The following HUNK variants were observed in gnomAD, a reference collection of about 807,000 sequenced individuals.
The protein encoded by HUNK is hormonally up-regulated Neu-associated kinase.
HUNK carries 21 observed loss-of-function variants against 61.0 expected under a neutral mutation model. The ratio of observed to expected loss-of-function variants is 0.34; its 90% CI spans 0.24 to 0.50. The LOEUF (loss-of-function observed/expected upper bound fraction) is 0.50. Among genes scored for constraint, HUNK ranks in the 20% least tolerant of loss-of-function variants. The probability of loss-of-function intolerance (pLI) is 0.98; values close to 1 mark genes in which losing one functional copy is unlikely to be tolerated. For missense variants in HUNK, 772 were observed against 945.7 expected (o/e 0.82, Z 2.41); for synonymous variants, 371 against 386.1 (o/e 0.96, Z 0.46).
intron 4 of HUNK, among the ~76,000 whole-genome samples, chr21:31,949,812 G>A (rs1344146931): frequency 1.3e-5 from 2 of 152,188 alleles, no homozygotes; most frequent in Non-Finnish European, 2.9e-5. Context: ...TGGGAGGTGC[G>A]GGGGACCAGT....
rs373918879 is a variant in HUNK at position 31,968,350 on chromosome 21, G to C, written c.975G>C (p.Thr325=). ...LANRWLNENY[T]GKVPCNVTYP... is the part of the protein sequence containing the mutation. ...ATCGCTGGCTTAATGAGAATTACAC[G>C]GGCAAAGTGCCCTGTAATGTCACCT... The change falls in exon 6 of 11, where the codon ACG becomes ACC. Residue 325 remains threonine, a synonymous_variant. Transcript: ENST00000270112. 1 of 1,614,192 alleles carries C rather than the reference G, an allele frequency of 6.2e-7. No individual in the cohort carries two copies. Among genetic ancestry groups the C allele is most frequent in the South Asian group, 1.1e-5 (1 of 91,080 alleles).
chr21:31,961,275 C>T lies in HUNK; in HGVS notation c.874+2305C>T, dbSNP rs890992542. Reference sequence around the variant, plus strand: ...GTAGTATCTCCTGGTGTGGATATACCGCAGTTTGTTTCACCATTTACCCAC... The same window carrying T: ...GTAGTATCTCCTGGTGTGGATATACTGCAGTTTGTTTCACCATTTACCCAC... On this transcript the variant is annotated intron_variant, in intron 5 of 10. Transcript: ENST00000270112. 6.6e-5 allele frequency among the ~76,000 whole-genome samples: 10 copies of T among 151,830 alleles called. 1 individual carries two copies. Among genetic ancestry groups the T allele is most frequent in the South Asian group, 4.2e-4 (2 of 4,812 alleles).
At chr21:31,983,457 T>C in intron 7 of HUNK, 69 bp from the exon 8 acceptor site, 1 of 1,266,880 alleles carries the variant, frequency 7.9e-7, no homozygotes, top group Non-Finnish European at 1.1e-6. Flanking sequence ...GTTTAAAAAT[T>C]AATGACTGCT....
At chr21:31,925,755 T>C (rs1405284776) in intron 2 of HUNK, among the ~76,000 whole-genome samples, 1 of 152,230 alleles carries the variant, frequency 6.6e-6, no homozygotes, top group Non-Finnish European at 1.5e-5. Context: ...CCATTGGTAG[T>C]GGGTGCCTGC....
intron 6 of HUNK, among the ~76,000 whole-genome samples, chr21:31,972,962 A>C (rs750872423): frequency 4.6e-5 from 7 of 151,986 alleles, no homozygotes; most frequent in Non-Finnish European, 8.8e-5. Context: ...TTCTCTTCTT[A>C]CAGAAGAACT....
chr21:31,982,517 C>G (rs1475670248), intron 7 of HUNK, among the ~76,000 whole-genome samples: 1 of 152,152 alleles, frequency 6.6e-6, no homozygotes, highest in Non-Finnish European at 1.5e-5. Flanking sequence ...CATCTCTTCC[C>G]TTCTCTTTTG....
At chr21:31,901,608 A>G (rs144657621) in intron 1 of HUNK, among the ~76,000 whole-genome samples, 2 of 152,234 alleles carry the variant, frequency 1.3e-5, no homozygotes, top group Non-Finnish European at 2.9e-5. Flanking sequence ...TATTTAGCTA[A>G]TGTTTAAACT....
intron 9 of HUNK, among the ~76,000 whole-genome samples, chr21:31,991,925 T>C (rs1431902600): frequency 6.6e-6 from 1 of 152,226 alleles, no homozygotes; most frequent in East Asian, 1.9e-4. Context: ...ATAAAGCAAG[T>C]GTGATGTGTG....
intron 5 of HUNK, among the ~76,000 whole-genome samples, chr21:31,967,673 G>A (rs1474781501): frequency 2.0e-5 from 3 of 152,166 alleles, no homozygotes; most frequent in Admixed American, 2.0e-4. Flanking sequence ...TAAAGGAAAG[G>A]ATCAGAAAGC....
intron 6 of HUNK, among the ~76,000 whole-genome samples, chr21:31,971,337 G>C (rs1376057406): frequency 5.9e-5 from 9 of 152,140 alleles, no homozygotes; most frequent in Non-Finnish European, 1.5e-5. Flanking sequence ...CTCCCAAAGT[G>C]CTGGGATTAT....
At chr21:31,941,793 G>T (rs767980567) in intron 3 of HUNK, among the ~76,000 whole-genome samples, 8 of 152,172 alleles carry the variant, frequency 5.3e-5, no homozygotes, top group Non-Finnish European at 1.0e-4. Context: ...GAGGAAAGGA[G>T]TTTTTTGTTT....
intron 2 of HUNK, among the ~76,000 whole-genome samples, chr21:31,930,027 T>A (rs2409424): frequency 0.13 from 20,472 of 152,154 alleles, 1,517 homozygotes; most frequent in Middle Eastern, 0.27. Context: ...ACAGCAAAAG[T>A]TTTGTGTTTA....
intron 1 of HUNK, among the ~76,000 whole-genome samples, chr21:31,888,498 A>G (rs866806146): frequency 3.9e-5 from 6 of 152,168 alleles, no homozygotes; most frequent in African/African-American, 1.4e-4. Flanking sequence ...GCACTTTGGG[A>G]GGCCGAGGCG....
At chr21:31,950,019 T>C (rs1266476470) in intron 4 of HUNK, among the ~76,000 whole-genome samples, 1 of 152,200 alleles carries the variant, frequency 6.6e-6, no homozygotes, top group Non-Finnish European at 1.5e-5. Flanking sequence ...ACAGCCAGCG[T>C]GTGACAGAGC....
chr21:31,901,935 C>T (rs1180401792), intron 1 of HUNK, among the ~76,000 whole-genome samples: 2 of 152,122 alleles, frequency 1.3e-5, no homozygotes, highest in African/African-American at 4.8e-5. Context: ...TGGCAAGGGG[C>T]TACTTAGCTG....
intron 1 of HUNK, among the ~76,000 whole-genome samples, chr21:31,920,175 T>C (rs1030785893): frequency 1.3e-5 from 2 of 152,170 alleles, no homozygotes; most frequent in African/African-American, 4.8e-5. Flanking sequence ...CTCTGCTTAT[T>C]TGTGTGAAAA....
intron 1 of HUNK, among the ~76,000 whole-genome samples, chr21:31,918,414 T>G (rs1246407974): frequency 6.6e-6 from 1 of 152,124 alleles, no homozygotes; most frequent in Non-Finnish European, 1.5e-5. Flanking sequence ...ACCAGGGGTG[T>G]TAGTTTCCTG....
chr21:31,977,809 C>A (rs1358604615), intron 7 of HUNK, among the ~76,000 whole-genome samples: 1 of 152,210 alleles, frequency 6.6e-6, no homozygotes, highest in Non-Finnish European at 1.5e-5. Flanking sequence ...CTGCTATAGT[C>A]CCAGCTACTC....
chr21:31,983,330 C>T (rs983821865), intron 7 of HUNK, among the ~76,000 whole-genome samples, 196 bp from the exon 8 acceptor site: 5 of 152,196 alleles, frequency 3.3e-5, no homozygotes, highest in African/African-American at 1.2e-4. Context: ...TGACCTGACT[C>T]TGCGCCCAGG....
Sources: allele counts gnomAD v4.1 joint callset (sites outside exome capture counted in the v4.1 genomes callset), GRCh38; gene constraint gnomAD v4.1.1; transcripts MANE v1.5; gene names NCBI Gene and HGNC (gene_info 2026-07-23, HGNC 2026-07-21).